The following FBXL20 variants were observed in gnomAD, a reference collection of about 807,000 sequenced individuals.
The protein encoded by FBXL20 is F-box and leucine rich repeat protein 20.
FBXL20 carries 11 observed loss-of-function variants against 64.0 expected under a neutral mutation model. The observed-to-expected ratio is 0.17, with a 90% CI of 0.11 to 0.28. The LOEUF (loss-of-function observed/expected upper bound fraction) is 0.28, where lower values mean the gene tolerates loss of function less well. FBXL20 is among the 10% of genes least tolerant of loss of function. The pLI is 1.00. For synonymous variants in FBXL20, 184 were observed against 189.0 expected, an observed-to-expected ratio of 0.97 and a Z score of 0.22; for missense variants, 303 against 526.2, an observed-to-expected ratio of 0.58 and a Z score of 4.15.
At chr17:39,312,190 G>A (rs1200452808) in intron 2 of FBXL20, among the ~76,000 whole-genome samples, 1 of 152,062 alleles carries the variant, frequency 6.6e-6, no homozygotes, top group Non-Finnish European at 1.5e-5. Context: ...GCCGAGGCAG[G>A]CGGATCACAA....
chr17:39,274,511 G>GAGAGAAATA (rs1430244133), intron 10 of FBXL20, among the ~76,000 whole-genome samples: 4 of 152,182 alleles, frequency 2.6e-5, no homozygotes, highest in Non-Finnish European at 5.9e-5. Context: ...TGAGGAGCCA[G>GAGAGAAATA]AGAGAAATAA....
At chr17:39,266,530 G>A (rs1032399663) in intron 12 of FBXL20, among the ~76,000 whole-genome samples, 3 of 151,972 alleles carry the variant, frequency 2.0e-5, no homozygotes, top group Non-Finnish European at 1.5e-5. Context: ...TATTTTTAGT[G>A]GAGATGGGGG....
chr17:39,362,885 T>A (rs1278428070), intron 1 of FBXL20, among the ~76,000 whole-genome samples: 1 of 152,202 alleles, frequency 6.6e-6, no homozygotes, highest in Non-Finnish European at 1.5e-5. Context: ...CCCAAAGTGC[T>A]GGGATTACAG....
chr17:39,401,248 AGTGGGTGG>A (rs2048239765), intron 1 of FBXL20, 105 bp downstream of exon 1: 3 of 1,580,722 alleles, frequency 1.9e-6, no homozygotes, highest in African/African-American at 1.4e-5. Flanking sequence ...CAGCCCCGCC[AGTGGGTGG>A]GTGACGGCGC....
Position 39,274,975 on chromosome 17 carries a change from C to T in FBXL20, c.822G>A (p.Arg274=). The T allele has an allele frequency of 6.2e-7, 1 of 1,612,550 alleles. No individual in the cohort carries two copies. The highest frequency in any genetic ancestry group is 8.5e-7 in the Non-Finnish European group (1 of 1,179,662). Reference sequence around the variant, plus strand: ...GCTAAACAAGAAATGTTTACCTAAGCCGTGGGCAGTTCTGACCTAGAGCAT... The same window carrying T: ...GCTAAACAAGAAATGTTTACCTAAGTCGTGGGCAGTTCTGACCTAGAGCAT... The part of the protein sequence containing the change: ...ILNALGQNCP[R]LRILEVARCS... The change falls in exon 10 of 15, where the codon CGG becomes CGA. Residue 274 remains arginine, a synonymous_variant. Coordinates refer to ENST00000264658, the MANE Select transcript of FBXL20 (RefSeq NM_032875.3).
At chr17:39,387,277 CTTTTT>C (rs34511500) in intron 1 of FBXL20, among the ~76,000 whole-genome samples, 1 of 126,010 alleles carries the variant, frequency 7.9e-6, no homozygotes, top group African/African-American at 2.9e-5. Flanking sequence ...ATTAACTGCA[CTTTTT>C]TTTTTTTTTT....
intron 1 of FBXL20, among the ~76,000 whole-genome samples, chr17:39,354,748 T>C (rs183812478): frequency 3.9e-5 from 6 of 152,244 alleles, no homozygotes; most frequent in African/African-American, 1.4e-4. Context: ...ATTTAATAAA[T>C]TGAATGTCAC....
At chr17:39,290,197 T>C (rs1048247565) in intron 6 of FBXL20, among the ~76,000 whole-genome samples, 5 of 152,052 alleles carry the variant, frequency 3.3e-5, no homozygotes, top group African/African-American at 9.7e-5. Flanking sequence ...AAATGATGTA[T>C]CTTAAACTTC....
intron 11 of FBXL20, among the ~76,000 whole-genome samples, chr17:39,269,855 A>G (rs1487112299): frequency 6.6e-6 from 1 of 152,158 alleles, no homozygotes; most frequent in Non-Finnish European, 1.5e-5. Context: ...GGCTCAAGCG[A>G]TCTGCTTTCC....
intron 1 of FBXL20, among the ~76,000 whole-genome samples, chr17:39,357,221 C>T (rs948253345): frequency 7.0e-6 from 1 of 142,782 alleles, no homozygotes; most frequent in African/African-American, 2.7e-5. Flanking sequence ...TGAAGTGAGC[C>T]AAGTTCGTGC....
At chr17:39,319,210 C>G (rs1197044562) in intron 2 of FBXL20, among the ~76,000 whole-genome samples, 1 of 151,874 alleles carries the variant, frequency 6.6e-6, no homozygotes, top group East Asian at 1.9e-4. Context: ...GATCGCATCA[C>G]TGCACTCCAG....
rs1230399012 is a variant in FBXL20 at position 39,324,263 on chromosome 17, A to G, written c.104+18917T>C. On this transcript the variant is annotated intron_variant, in intron 2 of 14. Transcript: ENST00000264658. ...CTCTAGGTGAGAGACCCAGGAATCT[A>G]TCTTTTCTAAACATTCTCTCCAGGT... is the stretch of plus-strand genomic sequence containing the variant. Among the ~76,000 whole-genome samples, 9 of 149,554 alleles carry G rather than the reference A, an allele frequency of 6.0e-5. 1 individual carries two copies. The highest frequency in any genetic ancestry group is 2.3e-4 in the African/African-American group (9 of 39,016).
chr17:39,309,020 C>T (rs944767811), intron 2 of FBXL20, among the ~76,000 whole-genome samples: 1 of 152,134 alleles, frequency 6.6e-6, no homozygotes, highest in African/African-American at 2.4e-5. Flanking sequence ...TAGTAAAAGC[C>T]TTGAGGCTTT....
At chr17:39,386,308 AAAATAAAT>A (rs368351934) in intron 1 of FBXL20, among the ~76,000 whole-genome samples, 2 of 151,216 alleles carry the variant, frequency 1.3e-5, no homozygotes, top group African/African-American at 4.9e-5. Context: ...CTCTGTCTCA[AAAATAAAT>A]AAATAAATAA....
At chr17:39,367,730 C>T (rs1266142118) in intron 1 of FBXL20, among the ~76,000 whole-genome samples, 1 of 151,720 alleles carries the variant, frequency 6.6e-6, no homozygotes, top group Admixed American at 6.6e-5. Context: ...TTAAAATTTT[C>T]AATAAGTTTC....
intron 10 of FBXL20, among the ~76,000 whole-genome samples, chr17:39,271,380 C>T (rs1597763813): frequency 1.3e-5 from 2 of 151,884 alleles, no homozygotes; most frequent in East Asian, 3.9e-4. Context: ...GGCGGATCAC[C>T]TGAGGTCAGG....
rs117209352 is a variant in FBXL20 at position 39,333,154 on chromosome 17, C to T, written c.104+10026G>A. On this transcript the variant is annotated intron_variant, in intron 2 of 14. Transcript: ENST00000264658. ...GCTCTCCCTCTCCCTCTCCCTCCTC[C>T]CTCTCCGTCTCCCTCTTTGCACGGT... is the stretch of plus-strand genomic sequence containing the variant. Among the ~76,000 whole-genome samples the T allele has an allele frequency of 2.8e-3, 427 of 152,144 alleles. 1 individual carries two copies. In the Middle Eastern group the frequency reaches 0.055, roughly 20 times the overall value.
At chr17:39,298,123 T>A (rs1264742117) in intron 5 of FBXL20, among the ~76,000 whole-genome samples, 1 of 151,918 alleles carries the variant, frequency 6.6e-6, no homozygotes, top group Non-Finnish European at 1.5e-5. Context: ...TATTTATTTA[T>A]TTATTTTTAG....
At chr17:39,277,754 CAAAAAAA>C (rs34095802) in intron 9 of FBXL20, among the ~76,000 whole-genome samples, 5 of 89,936 alleles carry the variant, frequency 5.6e-5, no homozygotes, top group African/African-American at 1.4e-4. Context: ...AACTCCGTCT[CAAAAAAA>C]AAAAAAAAAA....
Sources: gnomAD v4.1 joint callset for allele counts (sites outside exome capture counted in the v4.1 genomes callset) on GRCh38, gnomAD v4.1.1 for gene constraint, MANE v1.5 for transcripts, NCBI Gene and HGNC (gene_info 2026-07-23, HGNC 2026-07-21) for gene names.